Variants in FGD6 observed in about 807,000 individuals in gnomAD.
FGD6 encodes FYVE, RhoGEF and PH domain containing 6.
A neutral mutation model predicts 149.4 loss-of-function variants in FGD6; 90 were observed. The observed-to-expected ratio is 0.60, with a 90% CI of 0.51 to 0.72. FGD6 has a LOEUF of 0.72. Among genes scored for constraint, FGD6 ranks in the 30% least tolerant of loss-of-function variants. FGD6 has a pLI of 0.00. For missense variants in FGD6, 1,437 were observed against 1,684.8 expected (o/e 0.85, Z 2.57); for synonymous variants, 527 against 584.0 (o/e 0.90, Z 1.41).
In FGD6 at chr12:95,079,293, C is replaced by G. The variant is rs1389769501; in HGVS notation, c.*2227G>C. 6.6e-6 allele frequency: 1 copy of G among 152,194 alleles called. No homozygotes were observed. The highest frequency in any genetic ancestry group is 2.4e-5 in the African/African-American group (1 of 41,446). The allele number at this position is 152,194 out of a possible 1,614,324, so 9.4% of individuals were successfully genotyped here. ...CATGGGGCTAAGCCAATAGGTAATA[C>G]AGTCACATGCATTTTACATGTAATT... On this transcript the variant is annotated 3_prime_UTR_variant, in exon 21 of 21. Coordinates refer to ENST00000343958, the MANE Select transcript of FGD6 (RefSeq NM_018351.4).
At position 95,209,233 on chromosome 12, in the gene FGD6, C is replaced by T. The variant is rs771861911; in HGVS notation, c.2051G>A (p.Arg684Lys). 1.2e-6 allele frequency: 2 copies of T among 1,614,020 alleles called. No individual in the cohort carries two copies. Among genetic ancestry groups the T allele is most frequent in the South Asian group, 1.1e-5 (1 of 91,086 alleles). The change falls in exon 2 of 21, where the codon AGA (arginine) becomes AAA (lysine). Residue 684 changes from arginine to lysine, a missense_variant. By Grantham distance (26) the Arg-to-Lys change is conservative (BLOSUM62 2). Coordinates refer to ENST00000343958, the MANE Select transcript of FGD6 (RefSeq NM_018351.4). ...GGAATATGCCTTGATGGGTTTACTT[C>T]TCTTCTCCTCTCCTACCAACAAGCC... ...WQGLLVGEEKRSKPIKAYSTE... is the reference protein window; with the variant it reads ...WQGLLVGEEKKSKPIKAYSTE...
intron 5 of FGD6, among the ~76,000 whole-genome samples, chr12:95,151,127 TTATCAA>T (rs1269678942): frequency 6.6e-6 from 1 of 151,896 alleles, no homozygotes; most frequent in South Asian, 2.1e-4. Context: ...AAGAGAGAAC[TTATCAA>T]TATTACCAAT....
Position 95,091,016 on chromosome 12 carries a change from C to T in FGD6, c.3850+691G>A, listed in dbSNP as rs147552610. On this transcript the variant is annotated intron_variant, in intron 17 of 20. Transcript: ENST00000343958. ...ACTCAGGAGGCTGAGGTACGAGAAT[C>T]GCTTGAACCCGAGAGGCAGAGGTTG... 8.7e-4 allele frequency among the ~76,000 whole-genome samples: 132 copies of T among 152,284 alleles called. 1 individual carries two copies. Among genetic ancestry groups the T allele is most frequent in the African/African-American group, 2.7e-3 (113 of 41,556 alleles).
intron 3 of FGD6, among the ~76,000 whole-genome samples, chr12:95,171,399 G>A (rs920522897): frequency 6.6e-5 from 10 of 152,054 alleles, no homozygotes; most frequent in Non-Finnish European, 1.5e-4. Context: ...ACATTCCTGG[G>A]GATATTGTTG....
chr12:95,108,486 G>A lies in FGD6; in HGVS notation c.3192+17C>T, dbSNP rs1878705708. ...CAGGTTCAAGACCACACCAGCCACT[G>A]ACAACAAGACACTTACTCCTTGCTT... On this transcript the variant is annotated intron_variant, in intron 10 of 20. Transcript: ENST00000343958. The A allele has an allele frequency of 2.4e-5, 39 of 1,613,932 alleles. No homozygotes were observed. Among genetic ancestry groups the A allele is most frequent in the Non-Finnish European group, 3.1e-5 (37 of 1,179,954 alleles).
chr12:95,197,337 C>T (rs1881758233), intron 2 of FGD6, among the ~76,000 whole-genome samples: 1 of 152,094 alleles, frequency 6.6e-6, no homozygotes, highest in African/African-American at 2.4e-5. Context: ...ACTCAGGAGG[C>T]TGAGGCAGAA....
intron 8 of FGD6, among the ~76,000 whole-genome samples, chr12:95,129,084 G>A (rs371577722): frequency 7.3e-5 from 11 of 151,382 alleles, no homozygotes; most frequent in Admixed American, 3.3e-4. Context: ...ATAAAATGGC[G>A]TGAGTTTAGA....
At chr12:95,182,028 G>A (rs556402150) in intron 2 of FGD6, among the ~76,000 whole-genome samples, 1 of 151,238 alleles carries the variant, frequency 6.6e-6, no homozygotes, top group African/African-American at 2.4e-5. Context: ...AAACGAAAAA[G>A]TTTTAAGACA....
intron 5 of FGD6, among the ~76,000 whole-genome samples, chr12:95,152,073 C>T (rs1880324435): frequency 6.6e-6 from 1 of 152,112 alleles, no homozygotes; most frequent in South Asian, 2.1e-4. Context: ...TGTCAGTAAT[C>T]CCAGCACTTT....
rs547586066 is a variant in FGD6 at position 95,113,553 on chromosome 12, G to A, written c.3133+98C>T. On this transcript the variant is annotated intron_variant, in intron 9 of 20. Coordinates refer to ENST00000343958, the MANE Select transcript of FGD6 (RefSeq NM_018351.4). ...ACCTGCCCTTCAAGTCGTATGAAGAGAGTTTGTAATGGATTTTGTTATCAA... is the reference window on the plus strand; with the variant it reads ...ACCTGCCCTTCAAGTCGTATGAAGAAAGTTTGTAATGGATTTTGTTATCAA... 79 of 974,788 alleles carry A rather than the reference G, an allele frequency of 8.1e-5. No individual in the cohort carries two copies. The South Asian group carries it at 1.0e-3, about 13-fold the overall frequency. 60.4% of individuals were successfully genotyped at this position (974,788 alleles called of 1,614,324 possible). A position where few individuals can be genotyped will look rare whatever the true frequency, so the allele number is the denominator to read the frequency against.
intron 8 of FGD6, among the ~76,000 whole-genome samples, chr12:95,123,777 C>T (rs546989484): frequency 9.9e-5 from 15 of 152,128 alleles, no homozygotes; most frequent in South Asian, 8.3e-4. Flanking sequence ...TTATTCAGGA[C>T]GGTCTCGATC....
At chr12:95,094,190 A>ATATG (rs1878164542) in intron 15 of FGD6, among the ~76,000 whole-genome samples, 1 of 152,018 alleles carries the variant, frequency 6.6e-6, no homozygotes, top group African/African-American at 2.4e-5. Context: ...AAGAAAAGAA[A>ATATG]TATGGGCTAT....
intron 9 of FGD6, among the ~76,000 whole-genome samples, chr12:95,111,307 T>G (rs1878815820): frequency 6.6e-6 from 1 of 152,140 alleles, no homozygotes; most frequent in Non-Finnish European, 1.5e-5. Context: ...TTGCTGTGCC[T>G]CTGGCCATAC....
chr12:95,187,756 C>T (rs948176373), intron 2 of FGD6, among the ~76,000 whole-genome samples: 13 of 152,070 alleles, frequency 8.5e-5, no homozygotes, highest in Non-Finnish European at 1.8e-4. Flanking sequence ...TCAAGAACTC[C>T]TACAGTGAGG....
At chr12:95,204,707 C>A (rs573077923) in intron 2 of FGD6, among the ~76,000 whole-genome samples, 8 of 136,066 alleles carry the variant, frequency 5.9e-5, no homozygotes, top group Admixed American at 5.9e-4. Context: ...CGTGCATGCA[C>A]GCGCACACAC....
chr12:95,120,194 A>G (rs1879146597), intron 8 of FGD6, among the ~76,000 whole-genome samples: 1 of 151,882 alleles, frequency 6.6e-6, no homozygotes, highest in South Asian at 2.1e-4. Flanking sequence ...ACGTCACTGC[A>G]CTCCAGCCTG....
intron 6 of FGD6, among the ~76,000 whole-genome samples, chr12:95,139,482 T>G (rs1879778768): frequency 6.6e-6 from 1 of 151,742 alleles, no homozygotes; most frequent in African/African-American, 2.4e-5. Context: ...ATTTTTTTTT[T>G]TTAACTTAAG....
At chr12:95,104,971 G>A (rs1169780165) in intron 14 of FGD6, 36 bp downstream of exon 14, 26 of 1,350,514 alleles carry the variant, frequency 1.9e-5, no homozygotes, top group South Asian at 4.2e-5. Flanking sequence ...CTCAGAATGA[G>A]AAAAAAAAAA....
At chr12:95,155,207 T>C (rs766264092) in intron 3 of FGD6, among the ~76,000 whole-genome samples, 2 of 152,198 alleles carry the variant, frequency 1.3e-5, no homozygotes, top group African/African-American at 4.8e-5. Flanking sequence ...CAAGGTTTTA[T>C]AGTATGTTAA....
Sources: gnomAD v4.1 joint callset for allele counts (sites outside exome capture counted in the v4.1 genomes callset) on GRCh38, gnomAD v4.1.1 for gene constraint, MANE v1.5 for transcripts, NCBI Gene and HGNC (gene_info 2026-07-23, HGNC 2026-07-21) for gene names.